GRTP1: variants seen among roughly 807,000 people sequenced by gnomAD.
The protein encoded by GRTP1 is growth hormone-regulated TBC protein 1.
In GRTP1, 56 loss-of-function variants were observed where a neutral mutation model predicts 38.1. The observed-to-expected ratio is 1.47, with a 90% CI of 1.19 to 1.84. GRTP1 has a LOEUF of 1.84. Among genes scored for constraint, GRTP1 ranks in the 40% most tolerant of loss-of-function variants. The pLI is 0.00. For synonymous variants in GRTP1, 217 were observed against 189.5 expected, an observed-to-expected ratio of 1.14 and a Z score of -1.19; for missense variants, 506 against 453.9, an observed-to-expected ratio of 1.11 and a Z score of -1.04.
intron 5 of GRTP1, among the ~76,000 whole-genome samples, chr13:113,332,852 C>G (rs1566417681): frequency 6.6e-6 from 1 of 152,220 alleles, no homozygotes; most frequent in Non-Finnish European, 1.5e-5. Flanking sequence ...AGGGGCCAAC[C>G]AGAAGAGGCT....
chr13:113,324,428 G>A lies in GRTP1; in HGVS notation c.*60C>T. The A allele has an allele frequency of 7.4e-6, 11 of 1,482,240 alleles. No individual in the cohort carries two copies. Among genetic ancestry groups the A allele is most frequent in the Non-Finnish European group, 9.9e-6 (11 of 1,111,828 alleles). The allele number at this position is 1,482,240 out of a possible 1,614,324, so 91.8% of individuals were successfully genotyped here. Reference sequence around the variant, plus strand: ...GGAAAGCAGTGAAAGTTGGTCCAGTGTCAACTCTGGAAAGGGGCATCGTCA... The same window carrying A: ...GGAAAGCAGTGAAAGTTGGTCCAGTATCAACTCTGGAAAGGGGCATCGTCA... On this transcript the variant is annotated 3_prime_UTR_variant, in exon 8 of 8. Transcript: ENST00000375431.
At chr13:113,361,244 T>C (rs2043493732) in intron 2 of GRTP1, among the ~76,000 whole-genome samples, 1 of 140,536 alleles carries the variant, frequency 7.1e-6, no homozygotes, top group Admixed American at 7.1e-5. Flanking sequence ...AAAACAAAAC[T>C]GTTGACTTAG....
At chr13:113,359,732 G>A (rs1310980663) in intron 2 of GRTP1, 1 of 152,126 alleles carries the variant, frequency 6.6e-6, no homozygotes, top group African/African-American at 2.4e-5. Flanking sequence ...AAGGCACCGA[G>A]CCTGCACCCA....
At chr13:113,337,430 T>A (rs2139428829) in intron 5 of GRTP1, among the ~76,000 whole-genome samples, 1 of 152,358 alleles carries the variant, frequency 6.6e-6, no homozygotes, top group South Asian at 2.1e-4. Context: ...TTTGTTAGCA[T>A]ACAACTCAAT....
intron 2 of GRTP1, among the ~76,000 whole-genome samples, chr13:113,362,356 A>G (rs149201488): frequency 6.6e-6 from 1 of 152,286 alleles, no homozygotes; most frequent in African/African-American, 2.4e-5. Flanking sequence ...AAAAGAATAA[A>G]TGAAAAGGAA....
intron 5 of GRTP1, among the ~76,000 whole-genome samples, chr13:113,330,054 C>T (rs114643768): frequency 0.037 from 5,518 of 148,878 alleles, 331 homozygotes; most frequent in African/African-American, 0.13. Context: ...CATGGAAACC[C>T]GGGTGCGTGC....
At chr13:113,325,100 G>A (rs879231132) in intron 7 of GRTP1, 1 of 1,009,274 alleles carries the variant, frequency 9.9e-7, no homozygotes, top group South Asian at 4.2e-5. Flanking sequence ...AAAGTGCTGG[G>A]ACTGCAGGCG....
chr13:113,355,308 C>T lies in GRTP1; in HGVS notation c.340+15G>A, dbSNP rs1003990224. 1 of 1,612,452 alleles carries T rather than the reference C, an allele frequency of 6.2e-7. No homozygotes were observed. Among genetic ancestry groups the T allele is most frequent in the African/African-American group, 1.3e-5 (1 of 75,012 alleles). On this transcript the variant is annotated intron_variant, in intron 3 of 7. Transcript: ENST00000375431. ...CCCCGGGCCCTGCACCAGAGCTCGA[C>T]CCCCACCGCCTCACCTGTCCTGATG...
rs756440821 is a variant in GRTP1 at position 113,350,839 on chromosome 13, C to T, written c.465+10G>A. ...GCCACCTCATGGCGTCAGAGGGTCC[C>T]GAGGCTCACCTGGCAGTAGCCCACT... On this transcript the variant is annotated intron_variant, in intron 4 of 7. Transcript: ENST00000375431. 5.8e-6 allele frequency: 9 copies of T among 1,558,698 alleles called. No homozygotes were observed. The highest frequency in any genetic ancestry group is 2.7e-5 in the African/African-American group (2 of 73,766).
intron 4 of GRTP1, among the ~76,000 whole-genome samples, chr13:113,346,235 CGGG>C (rs2043125567): frequency 2.3e-4 from 24 of 105,540 alleles, no homozygotes; most frequent in South Asian, 3.3e-4. Flanking sequence ...AGAACAGACC[CGGG>C]AGGACCTCTG....
At chr13:113,326,905 C>T (rs1242650643) in intron 5 of GRTP1, among the ~76,000 whole-genome samples, 14 of 152,112 alleles carry the variant, frequency 9.2e-5, no homozygotes, top group African/African-American at 2.4e-5. Context: ...GTGACAGGAC[C>T]GAGTTCAGTC....
chr13:113,352,320 ATATT>A (rs1336076121), intron 3 of GRTP1, among the ~76,000 whole-genome samples: 39,380 of 123,860 alleles, frequency 0.32, 7,211 homozygotes, highest in East Asian at 0.6. Flanking sequence ...TATTTTATAT[ATATT>A]TTTATATATA....
rs1566429668 is a variant in GRTP1 at position 113,346,239 on chromosome 13, A to C, written c.466-1280T>G. 1.4e-4 allele frequency among the ~76,000 whole-genome samples: 19 copies of C among 134,982 alleles called. 2 individuals are homozygous for C. Among genetic ancestry groups the C allele is most frequent in the African/African-American group, 5.5e-4 (19 of 34,426 alleles). The allele number at this position is 134,982 out of a possible 152,430, so 88.6% of individuals were successfully genotyped here. ...CTCTGTGGCTGAGAACAGACCCGGG[A>C]GGACCTCTGTGGCCGAGAGCAGATC... is the stretch of plus-strand genomic sequence containing the variant. On this transcript the variant is annotated intron_variant, in intron 4 of 7. Transcript: ENST00000375431.
intron 5 of GRTP1, among the ~76,000 whole-genome samples, chr13:113,332,692 C>T (rs1270365573): frequency 2.0e-5 from 3 of 152,288 alleles, no homozygotes; most frequent in Admixed American, 1.3e-4. Flanking sequence ...GCCACACTGA[C>T]AAAGGCCCAG....
chr13:113,334,830 T>G (rs1351744727), intron 5 of GRTP1, among the ~76,000 whole-genome samples: 1 of 152,114 alleles, frequency 6.6e-6, no homozygotes, highest in East Asian at 1.9e-4. Flanking sequence ...GCTAATTCTT[T>G]TCTTTTGAGA....
At chr13:113,337,576 G>A (rs562862687) in intron 5 of GRTP1, among the ~76,000 whole-genome samples, 65 of 152,332 alleles carry the variant, frequency 4.3e-4, no homozygotes, top group African/African-American at 1.3e-3. Context: ...ATTGTACAGC[G>A]TGCTTTCTGC....
At chr13:113,352,305 A>T (rs1385233362) in intron 3 of GRTP1, among the ~76,000 whole-genome samples, 2 of 66,200 alleles carry the variant, frequency 3.0e-5, no homozygotes, top group African/African-American at 1.2e-4. Context: ...TATATATTTT[A>T]TATATATTTT....
At chr13:113,330,889 ACCCGGGTGTGTGC>A (rs2042858414) in intron 5 of GRTP1, among the ~76,000 whole-genome samples, 3 of 3,456 alleles carry the variant, frequency 8.7e-4, no homozygotes, top group African/African-American at 3.0e-3. Flanking sequence ...GTGCATGGAA[ACCCGGGTGTGTGC>A]ATGGGAGCCC....
rs897370342 is a variant in GRTP1, at chr13:113,342,184, T to C, written c.562+2679A>G. On this transcript the variant is annotated intron_variant, in intron 5 of 7. Coordinates refer to ENST00000375431, the MANE Select transcript of GRTP1 (RefSeq NM_024719.4). The surrounding 1 kb of genome is among the most constrained non-coding windows in gnomAD (Gnocchi z 4.5). Reference sequence around the variant, plus strand: ...TCTTGAACTCCCCTAAATGCCTGCCTCGGTCTTGCAAAGTGCTAGGATTAC... The same window carrying C: ...TCTTGAACTCCCCTAAATGCCTGCCCCGGTCTTGCAAAGTGCTAGGATTAC... 2.6e-5 allele frequency among the ~76,000 whole-genome samples: 4 copies of C among 152,128 alleles called. No homozygotes were observed. Among genetic ancestry groups the C allele is most frequent in the Admixed American group, 6.5e-5 (1 of 15,278 alleles).
Sources: allele counts gnomAD v4.1 joint callset (sites outside exome capture counted in the v4.1 genomes callset), GRCh38; gene constraint gnomAD v4.1.1; non-coding constraint Gnocchi (gnomAD v3.1); transcripts MANE v1.5; gene names NCBI Gene and HGNC (gene_info 2026-07-23, HGNC 2026-07-21).